Variants in GPR143 observed in about 807,000 individuals in gnomAD.
GPR143 encodes G protein-coupled receptor 143.
A neutral mutation model predicts 27.6 loss-of-function variants in GPR143; 8 were observed. The observed-to-expected ratio is 0.29, with a 90% CI of 0.17 to 0.52. The LOEUF is 0.52. Ranked by LOEUF, GPR143 falls within the 20% of genes least tolerant of loss-of-function variation. The probability of loss-of-function intolerance (pLI) is 0.96; values close to 1 mark genes in which losing one functional copy is unlikely to be tolerated. For missense variants in GPR143, 303 were observed against 343.1 expected, an observed-to-expected ratio of 0.88 and a Z score of 0.92; for synonymous variants, 156 against 153.2, an observed-to-expected ratio of 1.02 and a Z score of -0.13.
intron 1 of GPR143, among the ~76,000 whole-genome samples, chrX:9,775,834 G>A (rs762913216): frequency 5.1e-4 from 57 of 112,015 alleles, no homozygotes; most frequent in African/African-American, 1.5e-3. Flanking sequence ...TGTGCGGCAG[G>A]GTGGGCTGGG....
intron 8 of GPR143, among the ~76,000 whole-genome samples, chrX:9,731,098 T>G (rs914950518): frequency 2.7e-5 from 3 of 112,021 alleles, no homozygotes; most frequent in Non-Finnish European, 3.8e-5. Context: ...GAATACTTAT[T>G]TATATTTCAA....
Position 9,765,640 on chromosome X carries a change from GGGACCCGGGGCCCGCGGGCCGGCGGCC to G in GPR143, c.151_177del (p.Gly51_Ser59del). ...ACCGAGGCCGGCGGGGACGTCGCGG[GGGACCCGGGGCCCGCGGGCCGGCGGCC>G]GGGCAGCAGCTGCAGAAGGCCCAGC... On this transcript the variant is annotated inframe_deletion, in exon 1 of 9. Coordinates refer to ENST00000467482, the MANE Select transcript of GPR143 (RefSeq NM_000273.3). The G allele has an allele frequency of 1.0e-6, 1 of 983,016 alleles. No homozygotes were observed. The highest frequency in any genetic ancestry group is 1.3e-6 in the Non-Finnish European group (1 of 785,776). The allele number at this position is 983,016 out of a possible 1,213,427, so 81.0% of individuals were successfully genotyped here.
intron 3 of GPR143, among the ~76,000 whole-genome samples, chrX:9,752,363 T>G: frequency 8.9e-6 from 1 of 112,234 alleles, no homozygotes; most frequent in East Asian, 2.8e-4. Context: ...CCAACATGCC[T>G]GGCAGAGACT....
At chrX:9,738,442 T>A in intron 8 of GPR143, 1 of 743,432 alleles carries the variant, frequency 1.3e-6, no homozygotes. Flanking sequence ...AAATAAATCT[T>A]CTCTCTGTGT....
intron 1 of GPR143, among the ~76,000 whole-genome samples, chrX:9,773,486 CACACACACACACACACACACACACATAA>C (rs1361791109): frequency 6.4e-5 from 2 of 31,157 alleles, no homozygotes; most frequent in Non-Finnish European, 9.6e-5. Flanking sequence ...AAAGTACACA[CACACACACACACACACACACACACATAA>C]ACACACACGC....
At chrX:9,743,182 G>T (rs1013930102) in intron 6 of GPR143, among the ~76,000 whole-genome samples, 1 of 83,804 alleles carries the variant, frequency 1.2e-5, no homozygotes, top group Non-Finnish European at 2.1e-5. Context: ...CTGCACTCCA[G>T]CACTCCAGCC....
chrX:9,771,363 A>T (rs180724578), intron 1 of GPR143, among the ~76,000 whole-genome samples: 118 of 111,750 alleles, frequency 1.1e-3, no homozygotes, highest in African/African-American at 3.6e-3. Context: ...ACCCAGACCA[A>T]ATTGTACATT....
upstream of GPR143, among the ~76,000 whole-genome samples, chrX:9,770,932 G>A (rs1417973143): frequency 8.9e-6 from 1 of 111,901 alleles, no homozygotes; most frequent in African/African-American, 3.3e-5. Flanking sequence ...AGTAACATAC[G>A]CAAGTTGATT....
intron 3 of GPR143, among the ~76,000 whole-genome samples, chrX:9,753,885 T>A (rs1054015290): frequency 8.9e-6 from 1 of 111,792 alleles, no homozygotes; most frequent in East Asian, 2.8e-4. Context: ...CGCCTCCCCA[T>A]TCCCTGCACA....
chrX:9,774,894 C>T lies in GPR143; in HGVS notation c.-3+11348G>A, dbSNP rs778456671. The stretch of plus-strand genomic sequence containing the variant: ...TTTGGTTTTTTTTGAGACAAGGTCT[C>T]GCTCTGTTGCCCAAGCTGGAGTGCA... On this transcript the variant is annotated intron_variant, in intron 1 of 7. Coordinates refer to the GPR143 transcript ENST00000447366. 2.3e-4 allele frequency among the ~76,000 whole-genome samples: 25 copies of T among 110,987 alleles called. No homozygotes were observed. The South Asian group carries it at 3.1e-3, about 14-fold the overall frequency.
intron 3 of GPR143, among the ~76,000 whole-genome samples, chrX:9,753,547 G>A (rs190561418): frequency 2.6e-4 from 29 of 110,946 alleles, no homozygotes; most frequent in African/African-American, 9.5e-4. Context: ...TGTCTGGTTT[G>A]CTTTTTCCTA....
chrX:9,757,601 A>G lies in GPR143; in HGVS notation c.455+1731T>C, dbSNP rs367933725. 1.7e-4 allele frequency among the ~76,000 whole-genome samples: 19 copies of G among 111,338 alleles called. No homozygotes were observed. The East Asian group carries it at 3.1e-3, about 18-fold the overall frequency. ...TTGCTGGGGGCTGTGGGGAGGGGGC[A>G]GTGAGGAGTGACTAATAACCACCAC... is the stretch of plus-strand genomic sequence containing the variant. On this transcript the variant is annotated intron_variant, in intron 3 of 8. Transcript: ENST00000467482.
At chrX:9,726,447 C>T (rs1011169546) in intron 8 of GPR143, among the ~76,000 whole-genome samples, 3 of 111,693 alleles carry the variant, frequency 2.7e-5, no homozygotes, top group Non-Finnish European at 5.6e-5. Flanking sequence ...CTCTCAATGC[C>T]CAACTAAATA....
At chrX:9,771,227 T>TA (rs938832741) in intron 1 of GPR143, among the ~76,000 whole-genome samples, 143 of 108,496 alleles carry the variant, frequency 1.3e-3, no homozygotes, top group Middle Eastern at 4.7e-3. Flanking sequence ...TCTGGCTAAT[T>TA]AAAAAAAAAA....
Position 9,739,476 on chromosome X carries a change from G to C in GPR143, c.1120+9C>G. On this transcript the variant is annotated intron_variant, in intron 8 of 8. Coordinates refer to ENST00000467482, the MANE Select transcript of GPR143 (RefSeq NM_000273.3). The stretch of plus-strand genomic sequence containing the variant: ...CGAAGTCTACCTGCTGTGGCAGACA[G>C]GGCATTACCTTCAGACAGCATGCTC... 1 of 1,154,769 alleles carries C rather than the reference G, an allele frequency of 8.7e-7. No individual in the cohort carries two copies.
chrX:9,772,656 C>T (rs2083558280), intron 1 of GPR143, among the ~76,000 whole-genome samples: 1 of 107,472 alleles, frequency 9.3e-6, no homozygotes, highest in Non-Finnish European at 1.9e-5. Flanking sequence ...TACTAAAATT[C>T]AAAAAAATTA....
At chrX:9,727,908 C>T (rs2083335452) in intron 8 of GPR143, among the ~76,000 whole-genome samples, 2 of 112,919 alleles carry the variant, frequency 1.8e-5, no homozygotes, top group Non-Finnish European at 3.7e-5. Context: ...GGTCCTGCCA[C>T]AGGGCATTGG....
intron 3 of GPR143, among the ~76,000 whole-genome samples, chrX:9,750,689 G>A (rs868671939): frequency 1.8e-5 from 2 of 111,025 alleles, no homozygotes; most frequent in Middle Eastern, 4.6e-3. Context: ...TCAGCCTCCC[G>A]AGTAGTTGGG....
intron 1 of GPR143, among the ~76,000 whole-genome samples, chrX:9,777,805 A>AAAG (rs61645798): frequency 9.4e-6 from 1 of 105,925 alleles, no homozygotes; most frequent in African/African-American, 3.4e-5. Context: ...AAAAAAAAAA[A>AAAG]GGGGGCCAGG....
Sources: gnomAD v4.1 joint callset for allele counts (sites outside exome capture counted in the v4.1 genomes callset) on GRCh38, gnomAD v4.1.1 for gene constraint, MANE v1.5 for transcripts, NCBI Gene and HGNC (gene_info 2026-07-23, HGNC 2026-07-21) for gene names.